The following RALGAPA1 variants were observed in gnomAD, a reference collection of about 807,000 sequenced individuals.
RALGAPA1 encodes Ral GTPase activating protein catalytic subunit alpha 1, also known as ral GTPase-activating protein subunit alpha-1.
RALGAPA1 carries 52 observed loss-of-function variants against 269.6 expected under a neutral mutation model. The observed-to-expected ratio is 0.19, with a 90% CI of 0.15 to 0.24. RALGAPA1 has a LOEUF of 0.24. Ranked by LOEUF, RALGAPA1 falls within the 10% of genes least tolerant of loss-of-function variation. The pLI is 1.00. For synonymous variants in RALGAPA1, 817 were observed against 1,008.3 expected (o/e 0.81, Z 3.60); for missense variants, 1,917 against 3,013.9 (o/e 0.64, Z 8.52).
intron 21 of RALGAPA1, among the ~76,000 whole-genome samples, chr14:35,681,885 G>C (rs1267942814): frequency 6.6e-6 from 1 of 152,042 alleles, no homozygotes; most frequent in Non-Finnish European, 1.5e-5. Context: ...TATACACATA[G>C]AATAATAACG....
At chr14:35,676,348 A>G (rs1484891420) in intron 22 of RALGAPA1, 1 of 152,086 alleles carries the variant, frequency 6.6e-6, no homozygotes, top group Non-Finnish European at 1.5e-5. Context: ...AGTAGCTGGG[A>G]TGACAGGCGT....
chr14:35,592,634 T>C (rs2058706883), intron 37 of RALGAPA1, among the ~76,000 whole-genome samples: 1 of 152,138 alleles, frequency 6.6e-6, no homozygotes, highest in Non-Finnish European at 1.5e-5. Flanking sequence ...TCCAACAACA[T>C]ATCAAAAAGA....
intron 39 of RALGAPA1, among the ~76,000 whole-genome samples, 169 bp from the exon 40 acceptor site, chr14:35,549,403 T>C (rs2054763953): frequency 1.3e-5 from 2 of 152,312 alleles, no homozygotes; most frequent in South Asian, 2.1e-4. Flanking sequence ...TGCAAAAATA[T>C]AGTTTTTAAT....
intron 26 of RALGAPA1, among the ~76,000 whole-genome samples, chr14:35,668,680 C>T (rs572400741): frequency 1.6e-4 from 25 of 152,046 alleles, no homozygotes; most frequent in African/African-American, 6.0e-4. Context: ...TAGGTGTGTG[C>T]CTATAGTCTC....
At position 35,541,226 on chromosome 14, in the gene RALGAPA1, T is replaced by C. The variant is rs191759125; in HGVS notation, c.*24-1536A>G. On this transcript the variant is annotated intron_variant, in intron 41 of 41. Coordinates refer to ENST00000680220, the MANE Select transcript of RALGAPA1 (RefSeq NM_001346249.2). ...ACGCCCGGCTAATTTTTTTGTATTT[T>C]AGTAGAGATGGAGTTTCACCATGTT... 3.2e-3 allele frequency among the ~76,000 whole-genome samples: 489 copies of C among 151,864 alleles called. 1 individual carries two copies. Among genetic ancestry groups the C allele is most frequent in the African/African-American group, 0.011 (455 of 41,386 alleles).
At chr14:35,647,222 A>T (rs559692824) in intron 31 of RALGAPA1, among the ~76,000 whole-genome samples, 70 of 151,706 alleles carry the variant, frequency 4.6e-4, no homozygotes, top group Middle Eastern at 3.4e-3. Flanking sequence ...ACGTGATTTT[A>T]AAAAAAAATC....
At position 35,556,341 on chromosome 14, in the gene RALGAPA1, A is replaced by G. The variant is rs1256931746; in HGVS notation, c.7497-7107T>C. Reference sequence around the variant, plus strand: ...CATTTATAAGATGAAAGCAAACTATACTGCTTACCTTATAAAGCAAGATCT... The same window carrying G: ...CATTTATAAGATGAAAGCAAACTATGCTGCTTACCTTATAAAGCAAGATCT... On this transcript the variant is annotated intron_variant, in intron 39 of 41. Coordinates refer to ENST00000680220, the MANE Select transcript of RALGAPA1 (RefSeq NM_001346249.2). 5.9e-5 allele frequency among the ~76,000 whole-genome samples: 9 copies of G among 152,304 alleles called. No homozygotes were observed. The East Asian group carries it at 1.3e-3, about 23-fold the overall frequency.
At chr14:35,745,763 C>CAA (rs1157650791) in intron 10 of RALGAPA1, among the ~76,000 whole-genome samples, 1,209 of 32,512 alleles carry the variant, frequency 0.037, 74 homozygotes, top group African/African-American at 0.11. Context: ...GACTCCATCT[C>CAA]AAAAAAAAAA....
intron 37 of RALGAPA1, among the ~76,000 whole-genome samples, chr14:35,573,593 G>A (rs2057367150): frequency 6.6e-6 from 1 of 152,100 alleles, no homozygotes; most frequent in South Asian, 2.1e-4. Flanking sequence ...TCAGAAATAT[G>A]TCATTTATTT....
intron 12 of RALGAPA1, among the ~76,000 whole-genome samples, chr14:35,737,086 TAA>T (rs1270338088): frequency 6.7e-6 from 1 of 150,090 alleles, no homozygotes; most frequent in Non-Finnish European, 1.5e-5. Flanking sequence ...TACAAACCAT[TAA>T]GAGAAAGACC....
chr14:35,686,849 T>C (rs2065982831), intron 18 of RALGAPA1, among the ~76,000 whole-genome samples, 183 bp from the exon 19 acceptor site: 1 of 152,236 alleles, frequency 6.6e-6, no homozygotes, highest in Admixed American at 6.5e-5. Flanking sequence ...TTACTTTATT[T>C]AACTAAGCAG....
chr14:35,774,760 A>G (rs2074887172), intron 3 of RALGAPA1, among the ~76,000 whole-genome samples: 1 of 152,176 alleles, frequency 6.6e-6, no homozygotes, highest in Non-Finnish European at 1.5e-5. Context: ...AACACACTGA[A>G]TATCATACCA....
chr14:35,720,879 G>A (rs2069348690), intron 16 of RALGAPA1, among the ~76,000 whole-genome samples: 1 of 152,150 alleles, frequency 6.6e-6, no homozygotes, highest in Admixed American at 6.5e-5. Context: ...GCTGCAGTGA[G>A]CTATGATCCA....
In RALGAPA1 at chr14:35,806,356, G is replaced by A. The variant is rs186938783; in HGVS notation, c.106+2374C>T. Among the ~76,000 whole-genome samples, 34 of 152,082 alleles carry A rather than the reference G, an allele frequency of 2.2e-4. 1 individual carries two copies. Among genetic ancestry groups the A allele is most frequent in the Admixed American group, 1.8e-3 (28 of 15,276 alleles). Reference sequence around the variant, plus strand: ...CATTAGTTGTAAAATGGGGGGGAGGGGGTAGGTAGAAAGGATAACAGCTTT... The same window carrying A: ...CATTAGTTGTAAAATGGGGGGGAGGAGGTAGGTAGAAAGGATAACAGCTTT... On this transcript the variant is annotated intron_variant, in intron 1 of 41. Coordinates refer to ENST00000680220, the MANE Select transcript of RALGAPA1 (RefSeq NM_001346249.2).
At chr14:35,710,188 T>A (rs1737675197) in intron 16 of RALGAPA1, among the ~76,000 whole-genome samples, 1 of 152,234 alleles carries the variant, frequency 6.6e-6, no homozygotes, top group South Asian at 2.1e-4. Flanking sequence ...TTATCTGTTT[T>A]TGCCTCATGT....
chr14:35,557,167 C>T (rs1411997740), intron 39 of RALGAPA1, among the ~76,000 whole-genome samples: 2 of 144,440 alleles, frequency 1.4e-5, no homozygotes, highest in South Asian at 2.2e-4. Context: ...GAAAGTTGTA[C>T]GAAGCAAAAC....
At chr14:35,668,203 C>T (rs186871375) in intron 26 of RALGAPA1, among the ~76,000 whole-genome samples, 1 of 152,220 alleles carries the variant, frequency 6.6e-6, no homozygotes, top group East Asian at 1.9e-4. Flanking sequence ...AAATGTAAGG[C>T]TGGGCATGGT....
chr14:35,716,870 T>C (rs2068877715), intron 16 of RALGAPA1, among the ~76,000 whole-genome samples: 1 of 152,202 alleles, frequency 6.6e-6, no homozygotes, highest in Non-Finnish European at 1.5e-5. Context: ...AGAAGTTAGG[T>C]ATATAGGCTT....
intron 31 of RALGAPA1, among the ~76,000 whole-genome samples, chr14:35,639,960 A>G (rs2061914622): frequency 6.6e-6 from 1 of 151,870 alleles, no homozygotes; most frequent in Admixed American, 6.6e-5. Flanking sequence ...AAAAAAAAGA[A>G]ATTAAACAAT....
Sources: allele counts gnomAD v4.1 joint callset (sites outside exome capture counted in the v4.1 genomes callset), GRCh38; gene constraint gnomAD v4.1.1; transcripts MANE v1.5; gene names NCBI Gene and HGNC (gene_info 2026-07-23, HGNC 2026-07-21).